CNTN5: variants seen among roughly 807,000 people sequenced by gnomAD.
The protein encoded by CNTN5 is contactin-5.
In CNTN5, 77 loss-of-function variants were observed where a neutral mutation model predicts 129.1. That is an observed-to-expected ratio of 0.60 (90% confidence interval 0.50 to 0.72). CNTN5 has a LOEUF of 0.72. Ranked by LOEUF, CNTN5 falls within the 30% of genes least tolerant of loss-of-function variation. The pLI, the probability that CNTN5 is intolerant of heterozygous loss-of-function variation, is 0.00. For synonymous variants in CNTN5, 509 were observed against 465.6 expected, an observed-to-expected ratio of 1.09 and a Z score of -1.20; for missense variants, 1,478 against 1,328.8, an observed-to-expected ratio of 1.11 and a Z score of -1.75.
chr11:99,884,029 G>A (rs141254912), intron 6 of CNTN5, among the ~76,000 whole-genome samples: 68 of 152,204 alleles, frequency 4.5e-4, no homozygotes, highest in African/African-American at 1.6e-3. Flanking sequence ...TTCACCTTTA[G>A]TGTTCAAACA....
chr11:99,097,308 G>C (rs1246217148), intron 1 of CNTN5, among the ~76,000 whole-genome samples: 1 of 151,864 alleles, frequency 6.6e-6, no homozygotes, highest in Non-Finnish European at 1.5e-5. Flanking sequence ...GATGGGGTTG[G>C]AGATTATATA....
intron 2 of CNTN5, among the ~76,000 whole-genome samples, chr11:99,376,693 T>C (rs1940203909): frequency 6.6e-6 from 1 of 152,166 alleles, no homozygotes; most frequent in Admixed American, 6.5e-5. Flanking sequence ...CCCAGTCGCT[T>C]ACCCCTAATG....
chr11:100,040,373 G>T (rs189476979), intron 9 of CNTN5, among the ~76,000 whole-genome samples: 9 of 152,152 alleles, frequency 5.9e-5, no homozygotes, highest in African/African-American at 1.9e-4. Flanking sequence ...GTGTCAGTCC[G>T]CCCCTACTTG....
chr11:99,734,706 A>ATTTT (rs57330066), intron 3 of CNTN5, among the ~76,000 whole-genome samples: 64 of 147,020 alleles, frequency 4.4e-4, no homozygotes, highest in African/African-American at 1.0e-3. Flanking sequence ...TATTACACTG[A>ATTTT]TTTTTTTTTT....
At chr11:99,691,247 T>C (rs1392699306) in intron 3 of CNTN5, among the ~76,000 whole-genome samples, 1 of 152,066 alleles carries the variant, frequency 6.6e-6, no homozygotes, top group Admixed American at 6.6e-5. Context: ...TGTCTCTGTC[T>C]TCTTTAACTC....
intron 1 of CNTN5, among the ~76,000 whole-genome samples, chr11:99,051,241 G>A (rs1165406614): frequency 6.6e-6 from 1 of 151,792 alleles, no homozygotes; most frequent in Non-Finnish European, 1.5e-5. Flanking sequence ...TGTATTTCAA[G>A]AAAGGCATTT....
chr11:99,558,746 A>T (rs1948750510), intron 3 of CNTN5, among the ~76,000 whole-genome samples: 1 of 152,066 alleles, frequency 6.6e-6, no homozygotes, highest in Non-Finnish European at 1.5e-5. Flanking sequence ...AATTAGGAAG[A>T]GTTTGGGTAT....
chr11:99,251,776 A>G (rs747457029), intron 1 of CNTN5, among the ~76,000 whole-genome samples: 2 of 152,010 alleles, frequency 1.3e-5, no homozygotes, highest in Non-Finnish European at 1.5e-5. Flanking sequence ...TATGGTAGTA[A>G]CATGTGTTTT....
intron 3 of CNTN5, among the ~76,000 whole-genome samples, chr11:99,747,231 A>T (rs1415044874): frequency 6.6e-6 from 1 of 152,174 alleles, no homozygotes; most frequent in Non-Finnish European, 1.5e-5. Context: ...TTGTTAGTGT[A>T]TAGAAGTACT....
At chr11:99,726,816 G>A (rs1390800153) in intron 3 of CNTN5, among the ~76,000 whole-genome samples, 1 of 151,822 alleles carries the variant, frequency 6.6e-6, no homozygotes, top group African/African-American at 2.4e-5. Context: ...ACCACTCTCC[G>A]CCCCATCTTT....
At chr11:99,121,123 C>T (rs1278143685) in intron 1 of CNTN5, among the ~76,000 whole-genome samples, 5 of 128,732 alleles carry the variant, frequency 3.9e-5, no homozygotes, top group Non-Finnish European at 8.7e-5. Context: ...TTTAACTGTT[C>T]TTTCTTTCTT....
chr11:99,229,570 A>G (rs560774187), intron 1 of CNTN5, among the ~76,000 whole-genome samples: 30 of 149,930 alleles, frequency 2.0e-4, no homozygotes, highest in Admixed American at 8.6e-4. Context: ...AATAAAAGGG[A>G]AAGAAAGAGT....
Position 99,819,772 on chromosome 11 carries a change from G to A in CNTN5, c.277+7G>A, listed in dbSNP as rs759920145. The A allele has an allele frequency of 8.2e-5, 10 of 121,750 alleles. No homozygotes were observed. The South Asian group carries it at 9.1e-4, about 11-fold the overall frequency. 7.5% of individuals were successfully genotyped at this position (121,750 alleles called of 1,614,324 possible). ...GATGCCTTCAAACAAGATGGTAAGT[G>A]TCAAAGGAAAATGGCTCCAGATAGA... is the stretch of plus-strand genomic sequence containing the variant. On this transcript the variant is annotated splice_region_variant and intron_variant, in intron 4 of 24. Transcript: ENST00000524871.
At chr11:100,025,000 T>G (rs1476830454) in intron 9 of CNTN5, among the ~76,000 whole-genome samples, 1 of 152,186 alleles carries the variant, frequency 6.6e-6, no homozygotes, top group African/African-American at 2.4e-5. Context: ...CTTTTATAGC[T>G]AATGGGAAGC....
At chr11:99,787,783 C>G (rs1320317880) in intron 3 of CNTN5, among the ~76,000 whole-genome samples, 1 of 151,822 alleles carries the variant, frequency 6.6e-6, no homozygotes, top group African/African-American at 2.4e-5. Context: ...ATAATTAAGC[C>G]ATTAATACAC....
intron 3 of CNTN5, among the ~76,000 whole-genome samples, chr11:99,684,309 A>C (rs1316828376): frequency 1.3e-5 from 2 of 151,928 alleles, no homozygotes; most frequent in African/African-American, 2.4e-5. Context: ...TATACTTTTT[A>C]AAACTCATTT....
At chr11:100,254,488 A>T (rs1950029011) in intron 16 of CNTN5, among the ~76,000 whole-genome samples, 1 of 152,150 alleles carries the variant, frequency 6.6e-6, no homozygotes, top group African/African-American at 2.4e-5. Context: ...TTTGCCCACG[A>T]TTCCAACTTT....
At chr11:100,226,568 A>C (rs953267406) in intron 16 of CNTN5, among the ~76,000 whole-genome samples, 7 of 152,214 alleles carry the variant, frequency 4.6e-5, no homozygotes, top group African/African-American at 1.7e-4. Context: ...TAGCAATTTC[A>C]AACAGGTTGC....
intron 3 of CNTN5, among the ~76,000 whole-genome samples, chr11:99,688,566 A>AT (rs901789865): frequency 6.7e-6 from 1 of 149,826 alleles, no homozygotes; most frequent in Non-Finnish European, 1.5e-5. Flanking sequence ...AAAGATGGAA[A>AT]TTTTTTTTTC....
Sources: allele counts gnomAD v4.1 joint callset (sites outside exome capture counted in the v4.1 genomes callset), GRCh38; gene constraint gnomAD v4.1.1; transcripts MANE v1.5; gene names NCBI Gene and HGNC (gene_info 2026-07-23, HGNC 2026-07-21).